PTN: variants seen among roughly 807,000 people sequenced by gnomAD.
PTN encodes heparin affin regulatory protein.
In PTN, 18 loss-of-function variants were observed where a neutral mutation model predicts 24.1. That is an observed-to-expected ratio of 0.75 (90% CI 0.52 to 1.11). PTN has a LOEUF of 1.11. Ranked by LOEUF, PTN falls within the 50% of genes least tolerant of loss-of-function variation. PTN has a pLI of 0.00. For missense variants in PTN, 163 were observed against 198.8 expected, an observed-to-expected ratio of 0.82 and a Z score of 1.08; for synonymous variants, 78 against 68.6, an observed-to-expected ratio of 1.14 and a Z score of -0.67.
chr7:137,239,061 G>A (rs546519970), intron 4 of PTN, among the ~76,000 whole-genome samples: 115 of 152,322 alleles, frequency 7.5e-4, no homozygotes, highest in African/African-American at 2.6e-3. Context: ...TGCCCAGGGA[G>A]ATGAAAGCAG....
intron 1 of PTN, among the ~76,000 whole-genome samples, chr7:137,259,383 C>T (rs1318638957): frequency 1.3e-5 from 2 of 152,046 alleles, no homozygotes; most frequent in Non-Finnish European, 2.9e-5. Flanking sequence ...GCTCAAACTT[C>T]AGCTATACCA....
chr7:137,261,942 T>C (rs1392894632), intron 1 of PTN, among the ~76,000 whole-genome samples: 1 of 152,210 alleles, frequency 6.6e-6, no homozygotes, highest in African/African-American at 2.4e-5. Context: ...AATTTCTTTA[T>C]GGCCAGTTTT....
At chr7:137,265,573 C>T (rs1809127959) in intron 1 of PTN, among the ~76,000 whole-genome samples, 1 of 152,230 alleles carries the variant, frequency 6.6e-6, no homozygotes, top group Non-Finnish European at 1.5e-5. Context: ...CCCTCAGGGG[C>T]TGACCCGCAG....
At position 137,242,299 on chromosome 7, in the gene PTN, G is replaced by A. The variant is rs183041575; in HGVS notation, c.451+8931C>T. Among the ~76,000 whole-genome samples, 314 of 152,260 alleles carry A rather than the reference G, an allele frequency of 2.1e-3. 2 individuals are homozygous for A. Among genetic ancestry groups the A allele is most frequent in the Non-Finnish European group, 3.5e-3 (235 of 68,030 alleles). On this transcript the variant is annotated intron_variant, in intron 4 of 4. Transcript: ENST00000348225. The stretch of plus-strand genomic sequence containing the variant: ...GCGGCTTTCCAAAAAAGAGCAGCAA[G>A]ATGGCAAAACTTTCAGAAATAGCTG...
chr7:137,275,995 AT>A (rs1299022067), intron 1 of PTN, among the ~76,000 whole-genome samples: 1 of 152,234 alleles, frequency 6.6e-6, no homozygotes, highest in Non-Finnish European at 1.5e-5. Flanking sequence ...AGGTTTTCAA[AT>A]TCACTGCCAT....
intron 4 of PTN, among the ~76,000 whole-genome samples, chr7:137,249,716 A>C (rs2128870643): frequency 6.6e-6 from 1 of 152,318 alleles, no homozygotes; most frequent in South Asian, 2.1e-4. Flanking sequence ...GTCTCTGGAC[A>C]AATGACATTT....
At chr7:137,248,612 G>A (rs555377106) in intron 4 of PTN, among the ~76,000 whole-genome samples, 30 of 152,160 alleles carry the variant, frequency 2.0e-4, no homozygotes, top group African/African-American at 2.9e-4. Flanking sequence ...CCCAGGAGGC[G>A]GAGTTTGCAG....
chr7:137,246,675 T>C (rs1389549791), intron 4 of PTN, among the ~76,000 whole-genome samples: 1 of 152,130 alleles, frequency 6.6e-6, no homozygotes, highest in Non-Finnish European at 1.5e-5. Flanking sequence ...TCCTCATTTG[T>C]TATGTGGATA....
At chr7:137,343,397 A>C in intron 1 of PTN, 42 bp downstream of exon 1, 1 of 480,628 alleles carries the variant, frequency 2.1e-6, no homozygotes, top group South Asian at 1.5e-5. Context: ...GGCAAACTCG[A>C]TCGAAGAGCC....
At chr7:137,332,739 C>A (rs1810379684) in intron 1 of PTN, among the ~76,000 whole-genome samples, 1 of 152,078 alleles carries the variant, frequency 6.6e-6, no homozygotes, top group South Asian at 2.1e-4. Flanking sequence ...TGACTTGACC[C>A]TTGAAATCCA....
chr7:137,315,153 G>C (rs1209005765), intron 1 of PTN, among the ~76,000 whole-genome samples: 5 of 152,078 alleles, frequency 3.3e-5, no homozygotes, highest in African/African-American at 4.8e-5. Flanking sequence ...ATGCAAAATA[G>C]GATGCTAATA....
intron 4 of PTN, chr7:137,236,093 C>A: frequency 1.4e-6 from 1 of 691,206 alleles, no homozygotes; most frequent in Non-Finnish European, 2.6e-6. Context: ...CCATGCAGAA[C>A]AAAATTAATA....
chr7:137,246,609 A>G (rs1283444434), intron 4 of PTN, among the ~76,000 whole-genome samples: 1 of 152,160 alleles, frequency 6.6e-6, no homozygotes, highest in Non-Finnish European at 1.5e-5. Flanking sequence ...AAAACCTGGA[A>G]CTGACTCCAC....
At chr7:137,239,517 A>G (rs1313628142) in intron 4 of PTN, among the ~76,000 whole-genome samples, 1 of 152,030 alleles carries the variant, frequency 6.6e-6, no homozygotes, top group Non-Finnish European at 1.5e-5. Context: ...GTCATCTAGC[A>G]TTAGGTATAT....
At chr7:137,325,840 G>A (rs1810250463) in intron 1 of PTN, 1 of 152,146 alleles carries the variant, frequency 6.6e-6, no homozygotes, top group African/African-American at 2.4e-5. Context: ...TGAAATTATA[G>A]AAGCCTCTCC....
At chr7:137,261,549 G>A (rs2128872629) in intron 1 of PTN, among the ~76,000 whole-genome samples, 1 of 152,238 alleles carries the variant, frequency 6.6e-6, no homozygotes, top group South Asian at 2.1e-4. Flanking sequence ...GGGGCCAAGG[G>A]AAAATTTCCC....
chr7:137,280,725 A>T lies in PTN; in HGVS notation c.-1-25751T>A, dbSNP rs868662738. Among the ~76,000 whole-genome samples, 28 of 138,460 alleles carry T rather than the reference A, an allele frequency of 2.0e-4. 1 individual carries two copies. Among genetic ancestry groups the T allele is most frequent in the South Asian group, 4.7e-4 (2 of 4,250 alleles). 90.8% of individuals were successfully genotyped at this position (138,460 alleles called of 152,430 possible). A position where few individuals can be genotyped will look rare whatever the true frequency, so the allele number is the denominator to read the frequency against. Reference sequence around the variant, plus strand: ...AAAAAAAAAAAAAAAAAAAAAAAAAAGCTGAGTGTGGTGGCACGTGCCTGT... The same window carrying T: ...AAAAAAAAAAAAAAAAAAAAAAAAATGCTGAGTGTGGTGGCACGTGCCTGT... On this transcript the variant is annotated intron_variant, in intron 1 of 4. Transcript: ENST00000348225.
At chr7:137,319,068 C>A (rs758759439) in intron 1 of PTN, among the ~76,000 whole-genome samples, 1 of 152,084 alleles carries the variant, frequency 6.6e-6, no homozygotes, top group Admixed American at 6.6e-5. Context: ...TTTTTGTCCG[C>A]CTAAAAAGAC....
intron 1 of PTN, among the ~76,000 whole-genome samples, chr7:137,269,261 T>C (rs1809222576): frequency 6.6e-6 from 1 of 152,224 alleles, no homozygotes; most frequent in Non-Finnish European, 1.5e-5. Flanking sequence ...TCTCTTTCTC[T>C]TTTGTTTCTA....
Sources: allele counts gnomAD v4.1 joint callset (sites outside exome capture counted in the v4.1 genomes callset), GRCh38; gene constraint gnomAD v4.1.1; transcripts MANE v1.5; gene names NCBI Gene and HGNC (gene_info 2026-07-23, HGNC 2026-07-21).